The following GAS5 variants were observed in gnomAD, a reference collection of about 807,000 sequenced individuals.
GAS5 encodes growth arrest specific 5 (non-protein coding).
At chr1:173,867,094 T>A, upstream of GAS5, 1 of 633,500 alleles carries the variant, frequency 1.6e-6, no homozygotes, top group Non-Finnish European at 2.8e-6. Flanking sequence ...GTTCTTTTTT[T>A]TAAAGAGTGT....
intron 4 of GAS5, chr1:173,866,034 T>C (rs749158368): frequency 1.9e-6 from 1 of 519,198 alleles, no homozygotes; most frequent in South Asian, 1.4e-5. Flanking sequence ...CCAGGCTGCA[T>C]TTACAAACTT....
intron 1 of GAS5, chr1:173,866,936 G>T (rs773178650): frequency 1.8e-5 from 14 of 765,278 alleles, no homozygotes; most frequent in East Asian, 1.2e-4. Flanking sequence ...AGCATCACAG[G>T]CTGAGACCAC....
intron 6 of GAS5, chr1:173,864,799 T>C (rs752045145): frequency 1.3e-4 from 65 of 518,578 alleles, no homozygotes; most frequent in Non-Finnish European, 2.2e-4. Context: ...TATTCCCCTT[T>C]TCGGGGCATA....
chr1:173,865,062 G>T (rs1654354456), intron 6 of GAS5: 1 of 357,512 alleles, frequency 2.8e-6, no homozygotes. Flanking sequence ...AGCCAGGCAT[G>T]GTGTCACATG....
At chr1:173,868,000 G>C (rs1013777876), upstream of GAS5, 7 of 319,742 alleles carry the variant, frequency 2.2e-5, no homozygotes, top group African/African-American at 4.3e-5. Flanking sequence ...ACAGTATGGT[G>C]CCTGGGCTCC....
intron 6 of GAS5, chr1:173,865,437 A>C (rs781478000): frequency 1.9e-6 from 1 of 514,834 alleles, no homozygotes; most frequent in Non-Finnish European, 3.9e-6. Flanking sequence ...ACAGTAGCTC[A>C]ATCAATTAAC....
upstream of GAS5, chr1:173,867,484 CCTGGGT>C (rs1654938300): frequency 2.7e-6 from 1 of 367,354 alleles, no homozygotes; most frequent in African/African-American, 2.1e-5. Flanking sequence ...TGCATTCCAG[CCTGGGT>C]GACAGAACGA....
chr1:173,867,777 A>T, upstream of GAS5: 1 of 518,930 alleles, frequency 1.9e-6, no homozygotes, highest in Non-Finnish European at 3.8e-6. Context: ...CCGCAGTTCT[A>T]CTCTAACATA....
intron 1 of GAS5, chr1:173,866,819 C>A: frequency 1.3e-6 from 1 of 765,284 alleles, no homozygotes; most frequent in Middle Eastern, 2.3e-4. Context: ...AAGATGCAAG[C>A]AAAACAGTGA....
At chr1:173,865,307 C>A (rs1326443567) in intron 6 of GAS5, 1 of 459,236 alleles carries the variant, frequency 2.2e-6, no homozygotes. Context: ...TCTCCTTTAC[C>A]AATAGGTAGT....
chr1:173,866,661 G>A (rs750581269), intron 2 of GAS5: 7 of 764,566 alleles, frequency 9.2e-6, no homozygotes, highest in East Asian at 2.4e-5. Flanking sequence ...TGGTGGTTAA[G>A]ATCCTCATCA....
intron 7 of GAS5, chr1:173,864,110 AT>A (rs1557868139): frequency 2.0e-6 from 1 of 511,570 alleles, no homozygotes; most frequent in South Asian, 1.4e-5. Flanking sequence ...TTTTAGCCAC[AT>A]TTACAGACTT....
intron 5 of GAS5, chr1:173,865,610 T>A (rs1211924377): frequency 1.9e-6 from 1 of 519,242 alleles, no homozygotes; most frequent in Non-Finnish European, 3.8e-6. Context: ...TTCAAAGTTG[T>A]CTGTCACAGG....
intron 2 of GAS5, chr1:173,866,644 A>G (rs970134058): frequency 2.6e-6 from 2 of 764,404 alleles, no homozygotes. Flanking sequence ...TGCCTCAGTT[A>G]AGATAATGGT....
At chr1:173,864,627 C>T (rs1654272632) in intron 6 of GAS5, 1 of 381,504 alleles carries the variant, frequency 2.6e-6, no homozygotes, top group African/African-American at 2.1e-5. Flanking sequence ...GTATATGCCA[C>T]CAAAACCTTT....
chr1:173,864,829 G>A (rs780140119), intron 6 of GAS5: 7 of 519,008 alleles, frequency 1.3e-5, no homozygotes, highest in African/African-American at 1.2e-4. Flanking sequence ...GTTACCGCCA[G>A]ATACATCAGA....
chr1:173,865,046 A>T, intron 6 of GAS5: 2 of 372,248 alleles, frequency 5.4e-6, no homozygotes, highest in Non-Finnish European at 1.1e-5. Context: ...ATAGCTGTAC[A>T]AAATTAGCCA....
chr1:173,865,220 C>T (rs1654382513), intron 6 of GAS5: 1 of 337,578 alleles, frequency 3.0e-6, no homozygotes, highest in Non-Finnish European at 5.8e-6. Flanking sequence ...ATACTTGGAA[C>T]TGCTATACCT....
upstream of GAS5, chr1:173,867,958 A>C (rs1033330392): frequency 2.9e-6 from 1 of 345,898 alleles, no homozygotes. Context: ...GATAAAACAT[A>C]CCTCACAGGA....
Sources: allele counts gnomAD v4.1 joint callset, GRCh38; gene constraint gnomAD v4.1.1; transcripts MANE v1.5; gene names NCBI Gene and HGNC (gene_info 2026-07-23, HGNC 2026-07-21).